The following CHCHD3 variants were observed in gnomAD, a reference collection of about 807,000 sequenced individuals.
CHCHD3 encodes the protein coiled-coil-helix-coiled-coil-helix domain containing 3, also known as MICOS complex subunit MIC19.
In CHCHD3, 20 loss-of-function variants were observed where a neutral mutation model predicts 38.2. The ratio of observed to expected loss-of-function variants is 0.52; its 90% CI spans 0.37 to 0.76. The LOEUF (loss-of-function observed/expected upper bound fraction) is 0.76. Ranked by LOEUF, CHCHD3 falls within the 30% of genes least tolerant of loss-of-function variation. CHCHD3 has a pLI of 0.00. For missense variants in CHCHD3, 245 were observed against 279.2 expected (o/e 0.88, Z 0.87); for synonymous variants, 82 against 100.0 (o/e 0.82, Z 1.07).
chr7:132,866,161 G>C (rs1808620252), intron 5 of CHCHD3, among the ~76,000 whole-genome samples: 1 of 152,048 alleles, frequency 6.6e-6, no homozygotes, highest in African/African-American at 2.4e-5. Flanking sequence ...TTTAACTTTG[G>C]TAGAACACTG....
intron 6 of CHCHD3, among the ~76,000 whole-genome samples, chr7:132,836,066 C>T (rs1807772806): frequency 6.6e-6 from 1 of 152,036 alleles, no homozygotes; most frequent in African/African-American, 2.4e-5. Context: ...GTCTGTGGTA[C>T]TTTGCAGTAC....
chr7:133,003,832 T>C (rs1046591247), intron 3 of CHCHD3, among the ~76,000 whole-genome samples: 6 of 152,202 alleles, frequency 3.9e-5, no homozygotes, highest in Non-Finnish European at 8.8e-5. Context: ...AAGAAACATA[T>C]GACATCATCT....
chr7:132,917,230 C>T (rs1423777927), intron 4 of CHCHD3, among the ~76,000 whole-genome samples: 1 of 152,102 alleles, frequency 6.6e-6, no homozygotes, highest in East Asian at 1.9e-4. Flanking sequence ...AACAGACTTT[C>T]CATCTAAGGG....
At chr7:133,008,112 T>C (rs1812751282) in intron 3 of CHCHD3, among the ~76,000 whole-genome samples, 1 of 152,212 alleles carries the variant, frequency 6.6e-6, no homozygotes. Context: ...GTGCAACCAA[T>C]TCATGACTGG....
At chr7:133,077,787 T>C (rs1815046084) in intron 1 of CHCHD3, among the ~76,000 whole-genome samples, 1 of 152,040 alleles carries the variant, frequency 6.6e-6, no homozygotes, top group Non-Finnish European at 1.5e-5. Context: ...ATCCAATCCA[T>C]AAGAGTAGTT....
chr7:132,932,187 T>C (rs1241572244), intron 4 of CHCHD3, among the ~76,000 whole-genome samples: 1 of 152,188 alleles, frequency 6.6e-6, no homozygotes, highest in Admixed American at 6.5e-5. Context: ...GGCCGGGCTC[T>C]GCCAGCAGCC....
At chr7:133,012,470 C>T (rs1313725702) in intron 3 of CHCHD3, among the ~76,000 whole-genome samples, 1 of 152,092 alleles carries the variant, frequency 6.6e-6, no homozygotes, top group African/African-American at 2.4e-5. Flanking sequence ...ACCTATAAAA[C>T]ATAAATCTTC....
chr7:132,795,910 A>G (rs527630253), intron 7 of CHCHD3, among the ~76,000 whole-genome samples: 81 of 152,378 alleles, frequency 5.3e-4, no homozygotes, highest in African/African-American at 1.6e-3. Flanking sequence ...GCTATGGTCT[A>G]TAAAAGCAGT....
chr7:132,807,600 CACATAAATATATATATATATATAT>C (rs1806955548), intron 6 of CHCHD3, among the ~76,000 whole-genome samples: 1 of 90,090 alleles, frequency 1.1e-5, no homozygotes, highest in African/African-American at 4.2e-5. Context: ...TGCTAACATA[CACATAAATATATATATATATATAT>C]ATATATATAT....
At chr7:133,061,445 A>G (rs1163494640) in intron 2 of CHCHD3, among the ~76,000 whole-genome samples, 1 of 150,564 alleles carries the variant, frequency 6.6e-6, no homozygotes, top group Non-Finnish European at 1.5e-5. Context: ...GCAGGACTAT[A>G]GCAATGATGG....
At chr7:132,872,817 G>C (rs954865468) in intron 5 of CHCHD3, among the ~76,000 whole-genome samples, 4 of 152,278 alleles carry the variant, frequency 2.6e-5, no homozygotes, top group East Asian at 1.9e-4. Flanking sequence ...TTTTTAAAGA[G>C]GGGGAGGGCC....
intron 4 of CHCHD3, among the ~76,000 whole-genome samples, chr7:132,901,210 A>C (rs1429613019): frequency 6.6e-6 from 1 of 152,214 alleles, no homozygotes; most frequent in Admixed American, 6.5e-5. Context: ...GGCTTATCTA[A>C]TCAAGGAAAA....
chr7:132,986,927 C>G (rs974665080), intron 3 of CHCHD3, among the ~76,000 whole-genome samples: 1 of 152,108 alleles, frequency 6.6e-6, no homozygotes, highest in Non-Finnish European at 1.5e-5. Flanking sequence ...AAGATAAACA[C>G]GAGCTGCCAG....
intron 2 of CHCHD3, among the ~76,000 whole-genome samples, chr7:133,040,261 C>T (rs1202730064): frequency 6.6e-6 from 1 of 152,126 alleles, no homozygotes; most frequent in Non-Finnish European, 1.5e-5. Context: ...TTCATTATCC[C>T]TACTGAAGGA....
intron 7 of CHCHD3, among the ~76,000 whole-genome samples, chr7:132,791,839 T>A (rs533370007): frequency 2.0e-5 from 3 of 152,152 alleles, no homozygotes; most frequent in African/African-American, 7.2e-5. Flanking sequence ...CACATTAGGA[T>A]CTAGCCTCAT....
chr7:132,963,616 G>A (rs7801119), intron 4 of CHCHD3, among the ~76,000 whole-genome samples: 30,285 of 147,308 alleles, frequency 0.21, 3,337 homozygotes, highest in South Asian at 0.24. Context: ...GCGATACAGT[G>A]AGACTCCATC....
chr7:133,049,951 T>C (rs1339317639), intron 2 of CHCHD3, among the ~76,000 whole-genome samples: 2 of 152,220 alleles, frequency 1.3e-5, no homozygotes, highest in African/African-American at 4.8e-5. Context: ...TATTCGTCTC[T>C]GATACCGACG....
At chr7:132,933,516 G>T (rs1810565505) in intron 4 of CHCHD3, among the ~76,000 whole-genome samples, 1 of 152,146 alleles carries the variant, frequency 6.6e-6, no homozygotes, top group Admixed American at 6.5e-5. Flanking sequence ...GGAGAGTTTT[G>T]AAAAATACTA....
intron 4 of CHCHD3, among the ~76,000 whole-genome samples, chr7:132,967,541 A>T (rs981082821): frequency 6.6e-6 from 1 of 152,100 alleles, no homozygotes; most frequent in Non-Finnish European, 1.5e-5. Flanking sequence ...CTGTAATCCC[A>T]GCACTTTGGG....
Sources: gnomAD v4.1 joint callset for allele counts (sites outside exome capture counted in the v4.1 genomes callset) on GRCh38, gnomAD v4.1.1 for gene constraint, MANE v1.5 for transcripts, NCBI Gene and HGNC (gene_info 2026-07-23, HGNC 2026-07-21) for gene names.